Variants in EPM2A observed in about 807,000 individuals in gnomAD.
The protein encoded by EPM2A is laforin.
Under a neutral mutation model 26.5 loss-of-function variants are expected in EPM2A, and 21 were observed. That is an observed-to-expected ratio of 0.79 (90% CI 0.56 to 1.14). The LOEUF is 1.14. Ranked by LOEUF, EPM2A falls within the 50% of genes most tolerant of loss-of-function variation. The pLI is 0.00. For missense variants in EPM2A, 458 were observed against 440.8 expected, an observed-to-expected ratio of 1.04 and a Z score of -0.35; for synonymous variants, 217 against 177.6, an observed-to-expected ratio of 1.22 and a Z score of -1.76.
At chr6:145,668,092 C>T (rs985155133) in intron 2 of EPM2A, among the ~76,000 whole-genome samples, 1 of 149,500 alleles carries the variant, frequency 6.7e-6, no homozygotes, top group Non-Finnish European at 1.5e-5. Context: ...TGCAGCGCAC[C>T]AGCATGGCAC....
chr6:145,402,141 G>T (rs1236267755), intron 4 of EPM2A, among the ~76,000 whole-genome samples: 1 of 152,100 alleles, frequency 6.6e-6, no homozygotes, highest in Non-Finnish European at 1.5e-5. Flanking sequence ...GTAGTAACTT[G>T]TAAATGGAAG....
At chr6:145,406,745 A>G (rs1007982030) in intron 4 of EPM2A, among the ~76,000 whole-genome samples, 7 of 152,320 alleles carry the variant, frequency 4.6e-5, no homozygotes, top group Admixed American at 6.5e-5. Context: ...AAAACTTCCC[A>G]GAGATAGGCG....
chr6:145,411,968 C>G (rs899641857), intron 4 of EPM2A, among the ~76,000 whole-genome samples: 2 of 151,928 alleles, frequency 1.3e-5, no homozygotes, highest in East Asian at 3.9e-4. Context: ...GCCTGTAATC[C>G]CAGCAATTTG....
At chr6:145,523,419 A>G (rs182971127) in intron 2 of EPM2A, among the ~76,000 whole-genome samples, 1 of 152,280 alleles carries the variant, frequency 6.6e-6, no homozygotes, top group Admixed American at 6.5e-5. Context: ...TTCCAACAGC[A>G]TGTGCTCACT....
chr6:145,477,256 A>C (rs1330001683), intron 4 of EPM2A, among the ~76,000 whole-genome samples: 1 of 151,948 alleles, frequency 6.6e-6, no homozygotes, highest in Non-Finnish European at 1.5e-5. Flanking sequence ...TGAACCCATC[A>C]ATAACAAGAA....
chr6:145,712,643 A>C (rs1282717322), intron 1 of EPM2A, among the ~76,000 whole-genome samples: 2 of 152,196 alleles, frequency 1.3e-5, no homozygotes, highest in East Asian at 3.9e-4. Flanking sequence ...GGAAAGCAAA[A>C]AAAATGATAG....
At chr6:145,523,282 A>G (rs773881416) in intron 2 of EPM2A, among the ~76,000 whole-genome samples, 7 of 152,188 alleles carry the variant, frequency 4.6e-5, no homozygotes, top group Non-Finnish European at 8.8e-5. Context: ...TGGGATCTCA[A>G]TTACATGAAA....
chr6:145,556,312 G>A (rs976049261), intron 2 of EPM2A, among the ~76,000 whole-genome samples: 4 of 152,058 alleles, frequency 2.6e-5, no homozygotes, highest in African/African-American at 9.7e-5. Flanking sequence ...AAGTATTTTA[G>A]TTTTTCTCAT....
chr6:145,677,411 T>C (rs925213547), intron 2 of EPM2A, among the ~76,000 whole-genome samples: 1 of 152,146 alleles, frequency 6.6e-6, no homozygotes, highest in Non-Finnish European at 1.5e-5. Context: ...CTATTCAACA[T>C]AGTGTTGGAA....
At chr6:145,719,523 G>A (rs906427689) in intron 1 of EPM2A, among the ~76,000 whole-genome samples, 1 of 151,880 alleles carries the variant, frequency 6.6e-6, no homozygotes, top group African/African-American at 2.4e-5. Flanking sequence ...CCTAATGCTA[G>A]ATGACAAGTT....
At chr6:145,606,182 AT>A (rs574882832) in intron 2 of EPM2A, among the ~76,000 whole-genome samples, 113 of 152,128 alleles carry the variant, frequency 7.4e-4, no homozygotes, top group Non-Finnish European at 1.3e-3. Flanking sequence ...CACAATTGCT[AT>A]GGTTCTTGTA....
downstream of EPM2A, among the ~76,000 whole-genome samples, chr6:145,499,242 C>T (rs1352695383): frequency 6.6e-6 from 1 of 152,208 alleles, no homozygotes; most frequent in Non-Finnish European, 1.5e-5. Flanking sequence ...TACCTTATTT[C>T]TCATCTGACT....
intron 4 of EPM2A, among the ~76,000 whole-genome samples, chr6:145,396,230 A>T (rs1778403318): frequency 6.6e-6 from 1 of 151,496 alleles, no homozygotes; most frequent in Non-Finnish European, 1.5e-5. Flanking sequence ...CTGCAGGGTG[A>T]CTCCTTCCCC....
At chr6:145,427,427 A>G (rs1346799080) in intron 4 of EPM2A, among the ~76,000 whole-genome samples, 3 of 152,162 alleles carry the variant, frequency 2.0e-5, no homozygotes, top group African/African-American at 7.2e-5. Context: ...AGAAACTGCA[A>G]GGAGGTCACT....
chr6:145,420,476 A>C (rs1021521405), intron 4 of EPM2A, among the ~76,000 whole-genome samples: 3 of 152,170 alleles, frequency 2.0e-5, no homozygotes, highest in Non-Finnish European at 2.9e-5. Flanking sequence ...ACCTTTTATA[A>C]GTTCTTTTTA....
At chr6:145,429,662 A>G (rs1778897561) in intron 4 of EPM2A, among the ~76,000 whole-genome samples, 1 of 152,176 alleles carries the variant, frequency 6.6e-6, no homozygotes. Flanking sequence ...TTTAAAATGT[A>G]ACAAGAAATA....
intron 4 of EPM2A, among the ~76,000 whole-genome samples, chr6:145,479,666 A>G (rs1360663239): frequency 6.6e-6 from 1 of 151,974 alleles, no homozygotes; most frequent in Non-Finnish European, 1.5e-5. Context: ...GTTGATATAC[A>G]CCTGGTTTGT....
intron 4 of EPM2A, among the ~76,000 whole-genome samples, chr6:145,396,873 G>T (rs1449306170): frequency 3.3e-5 from 5 of 152,162 alleles, no homozygotes; most frequent in African/African-American, 4.8e-5. Flanking sequence ...TTCTACCTGG[G>T]ATTCCCTTTG....
chr6:145,621,852 A>G (rs1775643942), downstream of EPM2A, among the ~76,000 whole-genome samples: 1 of 152,196 alleles, frequency 6.6e-6, no homozygotes, highest in African/African-American at 2.4e-5. Flanking sequence ...ACTCCTTATC[A>G]GACATATTAT....
Sources: allele counts gnomAD v4.1 joint callset (sites outside exome capture counted in the v4.1 genomes callset), GRCh38; gene constraint gnomAD v4.1.1; transcripts MANE v1.5; gene names NCBI Gene and HGNC (gene_info 2026-07-23, HGNC 2026-07-21).